AGBL4: variants seen among roughly 807,000 people sequenced by gnomAD.
AGBL4 encodes the protein AGBL carboxypeptidase 4.
Under a neutral mutation model 66.4 loss-of-function variants are expected in AGBL4, and 58 were observed. The ratio of observed to expected loss-of-function variants is 0.87; its 90% CI spans 0.71 to 1.09. The LOEUF is 1.09. Ranked by LOEUF, AGBL4 falls within the 50% of genes least tolerant of loss-of-function variation. AGBL4 has a pLI of 0.00. For missense variants in AGBL4, 579 were observed against 631.0 expected (o/e 0.92, Z 0.88); for synonymous variants, 234 against 222.9 (o/e 1.05, Z -0.44).
At chr1:49,721,049 A>C (rs996912906) in intron 2 of AGBL4, among the ~76,000 whole-genome samples, 1 of 152,078 alleles carries the variant, frequency 6.6e-6, no homozygotes, top group East Asian at 1.9e-4. Flanking sequence ...ACCAATCAGC[A>C]CTCTGTAGCT....
chr1:49,209,143 A>C (rs1648474764), intron 4 of AGBL4, among the ~76,000 whole-genome samples: 1 of 152,160 alleles, frequency 6.6e-6, no homozygotes, highest in African/African-American at 2.4e-5. Context: ...CACCAATTTA[A>C]TATTTTAAAA....
chr1:49,879,742 A>G lies in AGBL4; in HGVS notation c.35-28224T>C, dbSNP rs905171886. 7.4e-3 allele frequency among the ~76,000 whole-genome samples: 527 copies of G among 70,882 alleles called. 19 individuals are homozygous for G. The highest frequency in any genetic ancestry group is 0.036 in the African/African-American group (501 of 14,110). The allele number at this position is 70,882 out of a possible 152,430, so 46.5% of individuals were successfully genotyped here. A position where few individuals can be genotyped will look rare whatever the true frequency, so the allele number is the denominator to read the frequency against. ...GATTGGGGAAGTTCTCCTGGATAAT[A>G]TCCTGCAGAGTGTTTTCCAACTTGG... On this transcript the variant is annotated intron_variant, in intron 1 of 13. Coordinates refer to ENST00000371839, the MANE Select transcript of AGBL4 (RefSeq NM_032785.4).
At chr1:49,620,674 T>C (rs746249209) in intron 3 of AGBL4, among the ~76,000 whole-genome samples, 5 of 152,180 alleles carry the variant, frequency 3.3e-5, no homozygotes, top group Non-Finnish European at 5.9e-5. Flanking sequence ...CACACCTATA[T>C]ATGAGGAAAA....
At chr1:49,248,322 T>C (rs1651799766) in intron 3 of AGBL4, among the ~76,000 whole-genome samples, 4 of 152,182 alleles carry the variant, frequency 2.6e-5, no homozygotes, top group African/African-American at 9.7e-5. Flanking sequence ...TTAGAATCAC[T>C]AGTATAGCTT....
At chr1:48,668,895 C>A (rs994019483) in intron 6 of AGBL4, among the ~76,000 whole-genome samples, 2 of 152,180 alleles carry the variant, frequency 1.3e-5, no homozygotes, top group African/African-American at 4.8e-5. Flanking sequence ...ATCAATAGAG[C>A]TTTCCTGGAG....
At chr1:49,826,715 T>C (rs1436283725) in intron 2 of AGBL4, among the ~76,000 whole-genome samples, 6 of 152,354 alleles carry the variant, frequency 3.9e-5, no homozygotes, top group Non-Finnish European at 8.8e-5. Context: ...CACCATTTTA[T>C]GTTTAAGCAA....
At chr1:49,659,893 G>T (rs973938025) in intron 3 of AGBL4, among the ~76,000 whole-genome samples, 3 of 151,914 alleles carry the variant, frequency 2.0e-5, no homozygotes, top group African/African-American at 7.2e-5. Context: ...CAAATGCAAG[G>T]CTACAGTAAC....
At chr1:49,463,183 T>C (rs1646552283) in intron 3 of AGBL4, among the ~76,000 whole-genome samples, 2 of 151,854 alleles carry the variant, frequency 1.3e-5, no homozygotes, top group South Asian at 4.1e-4. Context: ...AGTTATTTGC[T>C]TGCCCACGGT....
At chr1:49,859,486 G>T (rs1646515955) in intron 1 of AGBL4, among the ~76,000 whole-genome samples, 1 of 151,992 alleles carries the variant, frequency 6.6e-6, no homozygotes, top group South Asian at 2.1e-4. Context: ...AAATCTATAT[G>T]ATCATCTCAA....
chr1:49,182,731 G>A (rs1646951007), intron 4 of AGBL4, among the ~76,000 whole-genome samples: 1 of 151,918 alleles, frequency 6.6e-6, no homozygotes. Flanking sequence ...GTAAAAAAGA[G>A]GAGATCATTA....
At chr1:48,870,867 A>C (rs371817293) in intron 5 of AGBL4, among the ~76,000 whole-genome samples, 1 of 152,142 alleles carries the variant, frequency 6.6e-6, no homozygotes, top group South Asian at 2.1e-4. Flanking sequence ...GGATTACAAA[A>C]CCTGCATGTT....
intron 4 of AGBL4, among the ~76,000 whole-genome samples, chr1:49,182,865 A>G (rs911076730): frequency 1.3e-5 from 2 of 152,172 alleles, no homozygotes; most frequent in African/African-American, 4.8e-5. Context: ...CCAAGAAATA[A>G]CAGATATTCA....
chr1:49,043,949 C>T (rs1644011663), intron 5 of AGBL4, among the ~76,000 whole-genome samples: 1 of 152,156 alleles, frequency 6.6e-6, no homozygotes, highest in South Asian at 2.1e-4. Context: ...TAACTAGCAA[C>T]ACATATCAGA....
chr1:49,816,049 G>A (rs1645223025), intron 2 of AGBL4, among the ~76,000 whole-genome samples: 3 of 151,974 alleles, frequency 2.0e-5, no homozygotes, highest in Non-Finnish European at 4.4e-5. Context: ...ATGCCACCAT[G>A]CCTGGCTATG....
chr1:48,963,823 C>T (rs1658202858), intron 5 of AGBL4, among the ~76,000 whole-genome samples: 1 of 152,116 alleles, frequency 6.6e-6, no homozygotes, highest in African/African-American at 2.4e-5. Context: ...TTGATAGAAA[C>T]ACTCTTACAA....
intron 3 of AGBL4, among the ~76,000 whole-genome samples, chr1:49,431,648 A>AT (rs1300707719): frequency 5.3e-5 from 8 of 152,316 alleles, no homozygotes; most frequent in Admixed American, 2.0e-4. Flanking sequence ...GTAATCATGT[A>AT]TTTTTTTAAA....
chr1:49,705,175 T>C (rs1224488717), intron 2 of AGBL4, among the ~76,000 whole-genome samples: 1 of 152,198 alleles, frequency 6.6e-6, no homozygotes, highest in Non-Finnish European at 1.5e-5. Flanking sequence ...GGTATTTTAT[T>C]CTCTTTTTAA....
intron 2 of AGBL4, among the ~76,000 whole-genome samples, chr1:49,811,869 A>G (rs977088863): frequency 6.6e-6 from 1 of 152,224 alleles, no homozygotes; most frequent in African/African-American, 2.4e-5. Flanking sequence ...TTCATCAAAA[A>G]ACAGAGTTAG....
intron 4 of AGBL4, among the ~76,000 whole-genome samples, chr1:49,172,240 A>G (rs1284955872): frequency 6.6e-6 from 1 of 152,180 alleles, no homozygotes; most frequent in African/African-American, 2.4e-5. Flanking sequence ...AGCCCTGAGG[A>G]TATATATTAC....
Sources: allele counts gnomAD v4.1 joint callset (sites outside exome capture counted in the v4.1 genomes callset), GRCh38; gene constraint gnomAD v4.1.1; transcripts MANE v1.5; gene names NCBI Gene and HGNC (gene_info 2026-07-23, HGNC 2026-07-21).